The following ZBED6 variants were observed in gnomAD, a reference collection of about 807,000 sequenced individuals.
ZBED6 encodes the protein zinc finger BED-type containing 6, also known as zinc finger BED domain-containing protein 6.
In ZBED6, 40 loss-of-function variants were observed where a neutral mutation model predicts 58.4. The observed-to-expected ratio is 0.68, with a 90% CI of 0.53 to 0.89. The LOEUF (loss-of-function observed/expected upper bound fraction) is 0.89. Ranked by LOEUF, ZBED6 falls within the 40% of genes least tolerant of loss-of-function variation. ZBED6 has a pLI of 0.00. For synonymous variants in ZBED6, 439 were observed against 350.6 expected, an observed-to-expected ratio of 1.25 and a Z score of -2.82; for missense variants, 1,057 against 1,003.9, an observed-to-expected ratio of 1.05 and a Z score of -0.71.
chr1:203,851,299 T>G (rs1689196544), intron 16 of ZBED6, among the ~76,000 whole-genome samples, 175 bp downstream of exon 16: 1 of 152,234 alleles, frequency 6.6e-6, no homozygotes, highest in Non-Finnish European at 1.5e-5. Context: ...GGTGCCATTG[T>G]TTACATTTTG....
At chr1:203,804,529 G>A (rs1671599122) in intron 1 of ZBED6, among the ~76,000 whole-genome samples, 1 of 152,026 alleles carries the variant, frequency 6.6e-6, no homozygotes, top group Admixed American at 6.6e-5. Flanking sequence ...GCCATCATCT[G>A]AATGATTATT....
intron 2 of ZBED6, among the ~76,000 whole-genome samples, chr1:203,818,195 T>C (rs1677010814): frequency 1.3e-5 from 2 of 152,110 alleles, no homozygotes; most frequent in Admixed American, 1.3e-4. Flanking sequence ...ATATGTTAAT[T>C]ATATTTAAAT....
chr1:203,843,660 A>G (rs1687099184), intron 11 of ZBED6, among the ~76,000 whole-genome samples: 2 of 152,210 alleles, frequency 1.3e-5, no homozygotes, highest in Non-Finnish European at 2.9e-5. Context: ...GTGTTCTAGC[A>G]AAACTTCATT....
intron 1 of ZBED6, among the ~76,000 whole-genome samples, chr1:203,809,796 A>G (rs1273002539): frequency 1.3e-5 from 2 of 152,082 alleles, no homozygotes; most frequent in Non-Finnish European, 2.9e-5. Flanking sequence ...TCTACTAAAA[A>G]TACAAAAATT....
rs1159783945 is a variant in ZBED6 at position 203,818,566 on chromosome 1, A to G, written c.*2754-4A>G. On this transcript the variant is annotated splice_polypyrimidine_tract_variant and splice_region_variant and intron_variant, in intron 2 of 16. Transcript: ENST00000550078. The stretch of plus-strand genomic sequence containing the variant: ...CAAATAGAGTGTTCTCTATTTGTTT[A>G]CAGGGTGACAGCTGCCCATTCCGTC... The G allele has an allele frequency of 6.2e-7, 1 of 1,613,978 alleles. No homozygotes were observed. Among genetic ancestry groups the G allele is most frequent in the Non-Finnish European group, 8.5e-7 (1 of 1,179,934 alleles).
At chr1:203,804,238 G>A (rs999600423) in intron 1 of ZBED6, among the ~76,000 whole-genome samples, 9 of 147,114 alleles carry the variant, frequency 6.1e-5, no homozygotes, top group Non-Finnish European at 1.0e-4. Flanking sequence ...TGCAAACTCC[G>A]CCTCCCGGGT....
exon 1 of ZBED6, chr1:203,802,383 A>G (rs1452143912): frequency 6.6e-6 from 1 of 152,536 alleles, no homozygotes; most frequent in Non-Finnish European, 1.5e-5. Context: ...AGTGCATTTT[A>G]AAAGGGGAAA....
chr1:203,800,533 A>T (rs929937859), exon 1 of ZBED6: 3 of 1,363,460 alleles, frequency 2.2e-6, no homozygotes, highest in East Asian at 5.1e-5. Context: ...TAGTTGTTAA[A>T]TATAATCATT....
At chr1:203,811,354 G>T (rs1315994943) in intron 1 of ZBED6, among the ~76,000 whole-genome samples, 3 of 152,134 alleles carry the variant, frequency 2.0e-5, no homozygotes, top group Non-Finnish European at 4.4e-5. Flanking sequence ...CCAAAAAATT[G>T]TAAATTCTGC....
intron 4 of ZBED6, 139 bp from the exon 5 acceptor site, chr1:203,829,312 C>A: frequency 1.2e-6 from 1 of 823,676 alleles, no homozygotes; most frequent in Non-Finnish European, 1.9e-6. Flanking sequence ...CTCCCTGGGA[C>A]TTTAGAACTT....
intron 1 of ZBED6, among the ~76,000 whole-genome samples, chr1:203,813,935 C>T (rs571204550): frequency 6.6e-6 from 1 of 151,418 alleles, no homozygotes; most frequent in East Asian, 2.0e-4. Flanking sequence ...AACTGTTGCC[C>T]ACCCATACCC....
rs1384930632 is a variant in ZBED6 at position 203,833,317 on chromosome 1, A to G, written c.*3511-474A>G. Among the ~76,000 whole-genome samples, 4 of 148,110 alleles carry G rather than the reference A, an allele frequency of 2.7e-5. No individual in the cohort carries two copies. In the South Asian group the frequency reaches 6.5e-4, roughly 24 times the overall value. ...GAGGTGGAGGTTGCAGTGAGCCGAG[A>G]TCGGGCCACTGCACTCTAGCCTGGG... On this transcript the variant is annotated intron_variant, in intron 8 of 16. Transcript: ENST00000550078.
intron 3 of ZBED6, among the ~76,000 whole-genome samples, chr1:203,820,988 T>G (rs548008162): frequency 6.6e-6 from 1 of 152,174 alleles, no homozygotes; most frequent in African/African-American, 2.4e-5. Context: ...TCCCCGTTAT[T>G]GATGTGAATT....
At chr1:203,818,546 A>G (rs1677145042) in intron 2 of ZBED6, 24 bp from the exon 3 acceptor site, 1 of 1,613,630 alleles carries the variant, frequency 6.2e-7, no homozygotes, top group Non-Finnish European at 8.5e-7. Flanking sequence ...TGCTACAAAT[A>G]GAGTGTTCTC....
At position 203,831,789 on chromosome 1, in the gene ZBED6, C is replaced by T; in HGVS notation, c.*3510+18C>T. On this transcript the variant is annotated intron_variant, in intron 8 of 16. Transcript: ENST00000550078. ...CAAACAAGGTAAGGTATAGATAGGT[C>T]TTAGAGTTGTCAAGCCTCTACTTTT... 1 of 1,586,442 alleles carries T rather than the reference C, an allele frequency of 6.3e-7. No individual in the cohort carries two copies. Among genetic ancestry groups the T allele is most frequent in the Non-Finnish European group, 8.6e-7 (1 of 1,160,306 alleles).
intron 1 of ZBED6, among the ~76,000 whole-genome samples, chr1:203,812,235 A>G (rs1004047676): frequency 3.9e-5 from 6 of 152,084 alleles, no homozygotes; most frequent in African/African-American, 7.2e-5. Context: ...TATTAAGCCT[A>G]GTATCTATTA....
intron 16 of ZBED6, 56 bp from the exon 17 acceptor site, chr1:203,852,085 A>G (rs1199820341): frequency 8.2e-6 from 13 of 1,583,104 alleles, no homozygotes; most frequent in Admixed American, 1.7e-5. Context: ...AGACTAGGTG[A>G]TTCAGCCAAC....
chr1:203,830,152 C>T (rs1422855903), exon 7 of ZBED6: 3 of 1,596,830 alleles, frequency 1.9e-6, no homozygotes, highest in Non-Finnish European at 2.6e-6. Flanking sequence ...AATAAAAACT[C>T]TTGAGGAAAT....
intron 1 of ZBED6, among the ~76,000 whole-genome samples, chr1:203,806,577 A>G (rs1370590639): frequency 2.0e-5 from 3 of 152,216 alleles, no homozygotes; most frequent in African/African-American, 7.2e-5. Context: ...TGCTGGGATT[A>G]TAGGCATGAG....
Sources: gnomAD v4.1 joint callset for allele counts (sites outside exome capture counted in the v4.1 genomes callset) on GRCh38, gnomAD v4.1.1 for gene constraint, MANE v1.5 for transcripts, NCBI Gene and HGNC (gene_info 2026-07-23, HGNC 2026-07-21) for gene names.